The following FER variants were observed in gnomAD, a reference collection of about 807,000 sequenced individuals.
FER encodes the protein FER tyrosine kinase, also known as tyrosine-protein kinase Fer.
A neutral mutation model predicts 111.0 loss-of-function variants in FER; 63 were observed. The ratio of observed to expected loss-of-function variants is 0.57; its 90% CI spans 0.46 to 0.70. The LOEUF is 0.70. Ranked by LOEUF, FER falls within the 30% of genes least tolerant of loss-of-function variation. The pLI is 0.00. For synonymous variants in FER, 327 were observed against 313.9 expected, an observed-to-expected ratio of 1.04 and a Z score of -0.44; for missense variants, 914 against 954.0, an observed-to-expected ratio of 0.96 and a Z score of 0.55.
chr5:109,122,320 A>G (rs545409954), intron 17 of FER, among the ~76,000 whole-genome samples: 24 of 152,020 alleles, frequency 1.6e-4, no homozygotes, highest in African/African-American at 5.8e-4. Context: ...TAATTTCTTC[A>G]TTGATTCACT....
intron 17 of FER, among the ~76,000 whole-genome samples, chr5:109,120,360 T>G (rs1582119814): frequency 6.6e-6 from 1 of 152,124 alleles, no homozygotes; most frequent in East Asian, 1.9e-4. Context: ...TTGAAGAGAC[T>G]GTCCTTTCCC....
At chr5:108,983,837 G>C (rs1268041375) in intron 13 of FER, among the ~76,000 whole-genome samples, 1 of 152,082 alleles carries the variant, frequency 6.6e-6, no homozygotes, top group African/African-American at 2.4e-5. Flanking sequence ...ATAGAATTAT[G>C]AGACATCTCA....
chr5:109,038,060 T>A (rs1014500095), intron 14 of FER, among the ~76,000 whole-genome samples: 1 of 151,880 alleles, frequency 6.6e-6, no homozygotes, highest in Non-Finnish European at 1.5e-5. Context: ...TTTCTTCCAA[T>A]GTAGTTGGAA....
intron 5 of FER, among the ~76,000 whole-genome samples, chr5:108,863,459 T>G (rs1763731766): frequency 6.6e-6 from 1 of 152,200 alleles, no homozygotes; most frequent in Non-Finnish European, 1.5e-5. Context: ...AAATATATTC[T>G]GTAAGAAGAA....
At chr5:109,173,756 T>G (rs984588703) in intron 17 of FER, among the ~76,000 whole-genome samples, 1 of 122,016 alleles carries the variant, frequency 8.2e-6, no homozygotes. Context: ...AATATGTACC[T>G]CCCCCCCCCC....
At position 109,086,919 on chromosome 5, in the gene FER, C is replaced by G. The variant is rs547225571; in HGVS notation, c.1925-13477C>G. On this transcript the variant is annotated intron_variant, in intron 16 of 19. Transcript: ENST00000281092. ...CTCTTCTTAGCTTGTGTATGGTCAT[C>G]TTCTCTGTGTGTCTTCACATGATCT... Among the ~76,000 whole-genome samples, 8 of 149,786 alleles carry G rather than the reference C, an allele frequency of 5.3e-5. No individual in the cohort carries two copies. In the East Asian group the frequency reaches 1.6e-3, roughly 29 times the overall value.
chr5:108,879,648 G>T (rs1765438742), intron 8 of FER, among the ~76,000 whole-genome samples: 1 of 139,450 alleles, frequency 7.2e-6, no homozygotes. Context: ...AGGGGATAAT[G>T]GTAAGAAAGA....
rs1582486756 is a variant in FER, at chr5:109,196,021, A to G, written c.*8446A>G. The G allele has an allele frequency of 6.6e-6, 1 of 152,198 alleles. No individual in the cohort carries two copies. The allele number at this position is 152,198 out of a possible 1,614,324, so 9.4% of individuals were successfully genotyped here. Reference sequence around the variant, plus strand: ...TGGAACACTGTATAAAGTCATAGACATAGAACCATATGGGAAAGCCCAGAT... The same window carrying G: ...TGGAACACTGTATAAAGTCATAGACGTAGAACCATATGGGAAAGCCCAGAT... On this transcript the variant is annotated 3_prime_UTR_variant, in exon 20 of 20. Coordinates refer to ENST00000281092, the MANE Select transcript of FER (RefSeq NM_005246.4).
At chr5:108,888,913 A>G (rs985799132) in intron 9 of FER, among the ~76,000 whole-genome samples, 5 of 151,878 alleles carry the variant, frequency 3.3e-5, no homozygotes, top group Admixed American at 6.6e-5. Context: ...ATCCTTAAAA[A>G]CCACTAAAAA....
At chr5:108,911,362 A>G (rs1306451220) in intron 10 of FER, among the ~76,000 whole-genome samples, 1 of 151,808 alleles carries the variant, frequency 6.6e-6, no homozygotes, top group Non-Finnish European at 1.5e-5. Context: ...TAGATTCTGG[A>G]TATTAGTACT....
At chr5:108,810,789 C>T (rs1179954969) in intron 3 of FER, among the ~76,000 whole-genome samples, 3 of 151,982 alleles carry the variant, frequency 2.0e-5, no homozygotes, top group Non-Finnish European at 4.4e-5. Flanking sequence ...AGTCTGCTGA[C>T]CTAGGTGAGC....
At chr5:108,790,842 A>G (rs1026948711) in intron 2 of FER, among the ~76,000 whole-genome samples, 1 of 152,208 alleles carries the variant, frequency 6.6e-6, no homozygotes, top group African/African-American at 2.4e-5. Flanking sequence ...CTGATCAACT[A>G]GTAATCTAGT....
Position 109,190,000 on chromosome 5 carries a change from T to A in FER, c.*2425T>A, listed in dbSNP as rs903302147. 3 of 152,206 alleles carry A rather than the reference T, an allele frequency of 2.0e-5. No individual in the cohort carries two copies. Among genetic ancestry groups the A allele is most frequent in the Non-Finnish European group, 4.4e-5 (3 of 68,024 alleles). The allele number at this position is 152,206 out of a possible 1,614,324, so 9.4% of individuals were successfully genotyped here. A position where few individuals can be genotyped will look rare whatever the true frequency, so the allele number is the denominator to read the frequency against. ...AGGCAGTGGTATAGTTCAGGATTAA[T>A]AACTTATTGGGAGTCTCTCAGTCAT... On this transcript the variant is annotated 3_prime_UTR_variant, in exon 20 of 20. Transcript: ENST00000281092.
intron 13 of FER, among the ~76,000 whole-genome samples, chr5:109,028,396 A>G (rs1336561314): frequency 6.6e-6 from 1 of 152,268 alleles, no homozygotes; most frequent in Non-Finnish European, 1.5e-5. Context: ...AATAGAATTT[A>G]TAACCCATTG....
chr5:108,993,966 A>G (rs962094192), intron 13 of FER, among the ~76,000 whole-genome samples: 2 of 151,810 alleles, frequency 1.3e-5, no homozygotes, highest in African/African-American at 4.8e-5. Context: ...CCACTTTTTA[A>G]TGGTGTTGTT....
intron 5 of FER, among the ~76,000 whole-genome samples, chr5:108,842,088 A>C (rs1027756598): frequency 1.3e-5 from 2 of 152,220 alleles, no homozygotes; most frequent in Non-Finnish European, 2.9e-5. Context: ...TAAATGCAGA[A>C]ATATTCACAG....
chr5:109,044,812 A>T lies in FER; in HGVS notation c.1829+17A>T. ...AGAAGCCAAGTGAGTTATTTAAAGTAATCAAAATATGTATTTATTATGTAA... is the reference window on the plus strand; with the variant it reads ...AGAAGCCAAGTGAGTTATTTAAAGTTATCAAAATATGTATTTATTATGTAA... On this transcript the variant is annotated intron_variant, in intron 15 of 19. Coordinates refer to ENST00000281092, the MANE Select transcript of FER (RefSeq NM_005246.4). 8.5e-7 allele frequency: 1 copy of T among 1,176,400 alleles called. No homozygotes were observed. Among genetic ancestry groups the T allele is most frequent in the Non-Finnish European group, 1.2e-6 (1 of 819,832 alleles). 72.9% of individuals were successfully genotyped at this position (1,176,400 alleles called of 1,614,324 possible).
At chr5:109,065,913 A>G (rs1176275814) in intron 16 of FER, among the ~76,000 whole-genome samples, 1 of 152,190 alleles carries the variant, frequency 6.6e-6, no homozygotes, top group Non-Finnish European at 1.5e-5. Flanking sequence ...CTTTGTTTGA[A>G]AGAGTAAATT....
chr5:108,833,022 A>G, intron 4 of FER, 79 bp downstream of exon 4: 1 of 1,284,996 alleles, frequency 7.8e-7, no homozygotes, highest in Admixed American at 2.4e-5. Context: ...TTTGGCTTTA[A>G]AAATTGTTTA....
Sources: gnomAD v4.1 joint callset for allele counts (sites outside exome capture counted in the v4.1 genomes callset) on GRCh38, gnomAD v4.1.1 for gene constraint, MANE v1.5 for transcripts, NCBI Gene and HGNC (gene_info 2026-07-23, HGNC 2026-07-21) for gene names.